The following NAV2 variants were observed in gnomAD, a reference collection of about 807,000 sequenced individuals.
The protein encoded by NAV2 is helicase, APC down-regulated 1.
In NAV2, 54 loss-of-function variants were observed where a neutral mutation model predicts 223.2. The ratio of observed to expected loss-of-function variants is 0.24; its 90% confidence interval spans 0.19 to 0.30. The LOEUF is 0.30. Among genes scored for constraint, NAV2 ranks in the 10% least tolerant of loss-of-function variants. NAV2 has a pLI of 1.00. For missense variants in NAV2, 2,806 were observed against 3,147.5 expected (o/e 0.89, Z 2.60); for synonymous variants, 1,279 against 1,239.3 (o/e 1.03, Z -0.67).
chr11:19,463,019 C>G (rs1259584555), intron 1 of NAV2, among the ~76,000 whole-genome samples: 1 of 152,202 alleles, frequency 6.6e-6, no homozygotes, highest in Admixed American at 6.5e-5. Context: ...GCTGAAAGAG[C>G]AATAGCTATG....
At chr11:19,500,754 G>T (rs1349522240) in intron 1 of NAV2, among the ~76,000 whole-genome samples, 1 of 152,114 alleles carries the variant, frequency 6.6e-6, no homozygotes, top group Non-Finnish European at 1.5e-5. Flanking sequence ...TATCTAATTT[G>T]CTCTGATTCC....
At chr11:19,361,608 G>T (rs1853949850) in intron 1 of NAV2, among the ~76,000 whole-genome samples, 1 of 152,050 alleles carries the variant, frequency 6.6e-6, no homozygotes, top group African/African-American at 2.4e-5. Context: ...TGAAGCCCAG[G>T]GAGCCAGCTT....
intron 11 of NAV2, among the ~76,000 whole-genome samples, chr11:20,032,365 A>C (rs189190572): frequency 6.6e-6 from 1 of 152,180 alleles, no homozygotes; most frequent in Non-Finnish European, 1.5e-5. Context: ...TATGGGAAGA[A>C]TCCTGTGTAT....
At chr11:19,672,606 C>T (rs537524324) in intron 1 of NAV2, among the ~76,000 whole-genome samples, 1 of 152,218 alleles carries the variant, frequency 6.6e-6, no homozygotes, top group African/African-American at 2.4e-5. Flanking sequence ...TCTTTCTCAT[C>T]TGCTTGACCC....
chr11:19,479,908 C>T (rs943347170), intron 1 of NAV2, among the ~76,000 whole-genome samples: 2 of 152,190 alleles, frequency 1.3e-5, no homozygotes, highest in Non-Finnish European at 1.5e-5. Context: ...GGCTAGAGGG[C>T]TCATGCTGTA....
intron 1 of NAV2, among the ~76,000 whole-genome samples, chr11:19,703,909 T>G (rs2049583631): frequency 6.6e-6 from 1 of 152,012 alleles, no homozygotes; most frequent in Non-Finnish European, 1.5e-5. Context: ...CAGGTGACTC[T>G]AATGTAAAGC....
At chr11:19,398,426 T>C (rs1849552062) in intron 1 of NAV2, among the ~76,000 whole-genome samples, 1 of 152,106 alleles carries the variant, frequency 6.6e-6, no homozygotes, top group Non-Finnish European at 1.5e-5. Flanking sequence ...AACATGAGAT[T>C]TGGGCAGGGA....
At chr11:19,721,852 A>G (rs2050773317) in intron 1 of NAV2, among the ~76,000 whole-genome samples, 1 of 152,224 alleles carries the variant, frequency 6.6e-6, no homozygotes, top group Non-Finnish European at 1.5e-5. Flanking sequence ...TGATGTCAGT[A>G]AGTAACTTAA....
At chr11:19,654,006 C>T (rs1475624933) in intron 1 of NAV2, among the ~76,000 whole-genome samples, 1 of 152,252 alleles carries the variant, frequency 6.6e-6, no homozygotes, top group African/African-American at 2.4e-5. Context: ...CATCTCAGCC[C>T]AAAATCTCCT....
At chr11:19,442,160 G>A (rs1851428055) in intron 1 of NAV2, among the ~76,000 whole-genome samples, 1 of 152,196 alleles carries the variant, frequency 6.6e-6, no homozygotes, top group South Asian at 2.1e-4. Context: ...CGAATGTGAG[G>A]GCCCTGGGGA....
At chr11:19,971,412 G>A (rs184590621) in intron 10 of NAV2, among the ~76,000 whole-genome samples, 5 of 152,202 alleles carry the variant, frequency 3.3e-5, no homozygotes, top group Admixed American at 6.5e-5. Context: ...GGAGAGATGG[G>A]TTTGGGACCT....
At chr11:19,433,399 A>G (rs1456603752) in intron 1 of NAV2, among the ~76,000 whole-genome samples, 2 of 152,224 alleles carry the variant, frequency 1.3e-5, no homozygotes, top group African/African-American at 4.8e-5. Flanking sequence ...GGTAAAGCCC[A>G]AGGTGCCCCG....
At chr11:19,755,032 G>A (rs113935768) in intron 1 of NAV2, among the ~76,000 whole-genome samples, 5,622 of 152,084 alleles carry the variant, frequency 0.037, 342 homozygotes, top group African/African-American at 0.13. Flanking sequence ...TGTGTTAATC[G>A]ACAGGATCAA....
rs573347065 is a variant in NAV2, at chr11:19,424,129, C to T, written c.75+73102C>T. On this transcript the variant is annotated intron_variant, in intron 1 of 37. Coordinates refer to the NAV2 transcript ENST00000360655. ...TGCTTTGGCAGGGAAATTAGATATG[C>T]GGAATTTTGAGCTCTGGCCTTATTC... Among the ~76,000 whole-genome samples, 69 of 152,242 alleles carry T rather than the reference C, an allele frequency of 4.5e-4. 1 individual carries two copies. The highest frequency in any genetic ancestry group is 1.4e-3 in the African/African-American group (58 of 41,548).
At chr11:20,073,771 T>G (rs1441504682) in intron 22 of NAV2, among the ~76,000 whole-genome samples, 1 of 152,156 alleles carries the variant, frequency 6.6e-6, no homozygotes, top group Non-Finnish European at 1.5e-5. Context: ...TCTGTGGGAT[T>G]GGTGGTGATA....
chr11:19,966,189 C>T (rs1591458882), intron 10 of NAV2, among the ~76,000 whole-genome samples: 1 of 152,192 alleles, frequency 6.6e-6, no homozygotes, highest in Non-Finnish European at 1.5e-5. Context: ...ATAGATCCCA[C>T]CTCTCAGTGG....
intron 25 of NAV2, 44 bp downstream of exon 25, chr11:20,080,253 G>C: frequency 6.3e-7 from 1 of 1,583,278 alleles, no homozygotes; most frequent in South Asian, 1.1e-5. Flanking sequence ...GACAGAGTCA[G>C]TTGCAGAACT....
At chr11:19,449,893 G>A (rs187790202) in intron 1 of NAV2, among the ~76,000 whole-genome samples, 6 of 145,654 alleles carry the variant, frequency 4.1e-5, no homozygotes, top group African/African-American at 1.0e-4. Flanking sequence ...CTGAAGATTC[G>A]TGGCTTCATT....
chr11:19,518,438 C>T (rs1448875178), intron 1 of NAV2: 1 of 152,298 alleles, frequency 6.6e-6, no homozygotes, highest in East Asian at 1.9e-4. Context: ...TGCCATCTCT[C>T]TGTGCCCAGA....
Sources: allele counts gnomAD v4.1 joint callset (sites outside exome capture counted in the v4.1 genomes callset), GRCh38; gene constraint gnomAD v4.1.1; transcripts MANE v1.5; gene names NCBI Gene and HGNC (gene_info 2026-07-23, HGNC 2026-07-21).